Variants in SYTL2 observed in about 807,000 individuals in gnomAD.
The protein encoded by SYTL2 is synaptotagmin like 2.
A neutral mutation model predicts 198.7 loss-of-function variants in SYTL2; 165 were observed. That is an observed-to-expected ratio of 0.83 (90% CI 0.73 to 0.94). The LOEUF (loss-of-function observed/expected upper bound fraction) is 0.94, where lower values mean the gene tolerates loss of function less well. Among genes scored for constraint, SYTL2 ranks in the 40% least tolerant of loss-of-function variants. SYTL2 has a pLI of 0.00. For synonymous variants in SYTL2, 966 were observed against 917.7 expected (o/e 1.05, Z -0.95); for missense variants, 2,835 against 2,582.8 (o/e 1.10, Z -2.12).
At chr11:85,734,958 T>C (rs1460904222) in intron 6 of SYTL2, among the ~76,000 whole-genome samples, 1 of 152,204 alleles carries the variant, frequency 6.6e-6, no homozygotes, top group African/African-American at 2.4e-5. Context: ...TCTATGACAC[T>C]ACAATGGTGG....
rs1305841512 is a variant in SYTL2 at position 85,746,488 on chromosome 11, A to G, written c.254-716T>C. ...CTGAGTTCTTTGCATGCATTATTCT[A>G]TGAGAGCTATTTTCCAAGTACACAG... On this transcript the variant is annotated intron_variant, in intron 3 of 19. Coordinates refer to ENST00000359152, the MANE Select transcript of SYTL2 (RefSeq NM_206927.4). 5.9e-5 allele frequency among the ~76,000 whole-genome samples: 9 copies of G among 152,338 alleles called. No individual in the cohort carries two copies. The East Asian group carries it at 1.7e-3, about 29-fold the overall frequency.
intron 16 of SYTL2, among the ~76,000 whole-genome samples, chr11:85,702,183 G>A (rs1326325186): frequency 7.2e-6 from 1 of 138,258 alleles, no homozygotes; most frequent in East Asian, 2.2e-4. Flanking sequence ...TCAGAATCTA[G>A]TGGGTCTATT....
intron 9 of SYTL2, 170 bp from the exon 10 acceptor site, chr11:85,719,013 A>C (rs771174718): frequency 1.3e-5 from 20 of 1,527,360 alleles, no homozygotes; most frequent in Non-Finnish European, 1.7e-5. Flanking sequence ...TAGCTCCTTG[A>C]GCCAGTGCCA....
chr11:85,752,842 C>T (rs2091597551), intron 2 of SYTL2, among the ~76,000 whole-genome samples: 1 of 141,762 alleles, frequency 7.1e-6, no homozygotes, highest in African/African-American at 2.6e-5. Context: ...ATGTTAGTTC[C>T]TTTCCCCTTT....
intron 1 of SYTL2, among the ~76,000 whole-genome samples, chr11:85,769,484 G>C (rs2092311850): frequency 2.6e-5 from 4 of 152,338 alleles, no homozygotes; most frequent in Middle Eastern, 6.8e-3. Context: ...AAGGAATTCA[G>C]CTCTGTTGAT....
rs1402122346 is a variant in SYTL2, at chr11:85,695,728, GTTAC to G, written c.6575-392_6575-389del. Among the ~76,000 whole-genome samples the G allele has an allele frequency of 2.6e-5, 4 of 152,256 alleles. No individual in the cohort carries two copies. The South Asian group carries it at 6.2e-4, about 24-fold the overall frequency. ...CTTGGCTCTGCCACTTTGTAGCTAT[GTTAC>G]TTACTTTCTTGGACTATCAGTTCCT... On this transcript the variant is annotated intron_variant, in intron 19 of 19. Transcript: ENST00000359152.
At chr11:85,736,370 G>A (rs896277751) in intron 6 of SYTL2, 131 bp downstream of exon 6, 5 of 562,098 alleles carry the variant, frequency 8.9e-6, no homozygotes, top group East Asian at 3.3e-5. Context: ...AACAAGCACC[G>A]TAAAATAAGA....
chr11:85,737,500 G>A lies in SYTL2; in HGVS notation c.471+75C>T. On this transcript the variant is annotated intron_variant, in intron 5 of 19. Transcript: ENST00000359152. ...TGTACTACAAAATTCTCTTTATTTT[G>A]TGGTGCTTTGACACAATGAGGAAAA... The A allele has an allele frequency of 2.6e-6, 3 of 1,149,432 alleles. No homozygotes were observed. In the Admixed American group the frequency reaches 6.0e-5, roughly 23 times the overall value. The allele number at this position is 1,149,432 out of a possible 1,614,324, so 71.2% of individuals were successfully genotyped here.
At chr11:85,711,257 C>G (rs756619206) in intron 12 of SYTL2, 25 bp from the exon 13 acceptor site, 3 of 1,604,230 alleles carry the variant, frequency 1.9e-6, no homozygotes, top group Admixed American at 1.7e-5. Context: ...ATAATATGCA[C>G]AATATTTAAA....
chr11:85,746,001 C>T (rs1272797170), intron 3 of SYTL2, among the ~76,000 whole-genome samples: 1 of 152,102 alleles, frequency 6.6e-6, no homozygotes, highest in Non-Finnish European at 1.5e-5. Flanking sequence ...AATGAGCATA[C>T]CTTTAAATGT....
At chr11:85,769,578 T>A (rs1380330421) in intron 1 of SYTL2, among the ~76,000 whole-genome samples, 2 of 152,194 alleles carry the variant, frequency 1.3e-5, no homozygotes, top group African/African-American at 4.8e-5. Context: ...GCCCCTAAGT[T>A]CATCACAGCA....
chr11:85,763,808 C>A (rs1215491831), intron 1 of SYTL2, among the ~76,000 whole-genome samples: 1 of 152,202 alleles, frequency 6.6e-6, no homozygotes, highest in Non-Finnish European at 1.5e-5. Context: ...CTCATCCCCA[C>A]CGGAACACTT....
upstream of SYTL2, among the ~76,000 whole-genome samples, chr11:85,816,047 C>A (rs1042246904): frequency 1.3e-5 from 2 of 152,018 alleles, no homozygotes; most frequent in Non-Finnish European, 2.9e-5. Context: ...TGCCTGTAAT[C>A]CCAGCTACTC....
the SYTL2 span, among the ~76,000 whole-genome samples, chr11:85,844,716 G>C: frequency 6.6e-6 from 1 of 152,186 alleles, no homozygotes; most frequent in Non-Finnish European, 1.5e-5. Flanking sequence ...CTGGAACCAA[G>C]TGAGTGACCC....
At chr11:85,797,525 A>G (rs2092820669) in intron 1 of SYTL2, among the ~76,000 whole-genome samples, 1 of 151,732 alleles carries the variant, frequency 6.6e-6, no homozygotes, top group Non-Finnish European at 1.5e-5. Context: ...TTACTTGGGA[A>G]GCTGAGGCAC....
At chr11:85,744,614 C>A (rs914432053) in intron 4 of SYTL2, among the ~76,000 whole-genome samples, 2 of 152,184 alleles carry the variant, frequency 1.3e-5, no homozygotes, top group Non-Finnish European at 2.9e-5. Context: ...CCTATTGGTA[C>A]TTATATCATA....
chr11:85,764,993 A>G lies in SYTL2; in HGVS notation c.-389-6879T>C, dbSNP rs1193441691. Among the ~76,000 whole-genome samples, 4 of 152,246 alleles carry G rather than the reference A, an allele frequency of 2.6e-5. No individual in the cohort carries two copies. The South Asian group carries it at 6.2e-4, about 24-fold the overall frequency. On this transcript the variant is annotated intron_variant, in intron 1 of 19. Coordinates refer to ENST00000359152, the MANE Select transcript of SYTL2 (RefSeq NM_206927.4). ...ACGCACAGGTGGGTAACAATGCTAC[A>G]TGAATATTTTGTTTCTGTGTGGTCA...
At chr11:85,736,260 G>C (rs1370344823) in intron 6 of SYTL2, among the ~76,000 whole-genome samples, 1 of 152,174 alleles carries the variant, frequency 6.6e-6, no homozygotes, top group Non-Finnish European at 1.5e-5. Context: ...GGGAATCCAA[G>C]ACACAATGGA....
the SYTL2 span, among the ~76,000 whole-genome samples, chr11:85,829,060 TTTG>T: frequency 3.4e-4 from 50 of 145,104 alleles, 2 homozygotes; most frequent in Middle Eastern, 3.6e-3. Flanking sequence ...TTTTTTTTTT[TTTG>T]TTTGTTTGTT....
Sources: gnomAD v4.1 joint callset for allele counts (sites outside exome capture counted in the v4.1 genomes callset) on GRCh38, gnomAD v4.1.1 for gene constraint, MANE v1.5 for transcripts, NCBI Gene and HGNC (gene_info 2026-07-23, HGNC 2026-07-21) for gene names.